SUSD1: variants seen among roughly 807,000 people sequenced by gnomAD.
SUSD1 encodes sushi domain containing 1.
SUSD1 carries 65 observed loss-of-function variants against 86.9 expected under a neutral mutation model. That is an observed-to-expected ratio of 0.75 (90% CI 0.61 to 0.92). The LOEUF is 0.92. Among genes scored for constraint, SUSD1 ranks in the 40% least tolerant of loss-of-function variants. The pLI is 0.00. For synonymous variants in SUSD1, 346 were observed against 350.0 expected, an observed-to-expected ratio of 0.99 and a Z score of 0.13; for missense variants, 850 against 929.7, an observed-to-expected ratio of 0.91 and a Z score of 1.11.
chr9:112,062,611 C>G (rs368631527), intron 13 of SUSD1, among the ~76,000 whole-genome samples: 6 of 152,276 alleles, frequency 3.9e-5, no homozygotes, highest in African/African-American at 1.4e-4. Flanking sequence ...AGGAGAATCA[C>G]TTGCACCCAG....
chr9:112,162,706 G>A lies in SUSD1; in HGVS notation c.104-5093C>T, dbSNP rs942394455. ...GTGGCTATGCAGTTTGAGTCACAAA[G>A]TATACAGCTGTAACTTCTGCCTCTT... On this transcript the variant is annotated intron_variant, in intron 1 of 16. Transcript: ENST00000374270. Among the ~76,000 whole-genome samples the A allele has an allele frequency of 2.0e-5, 3 of 152,188 alleles. No individual in the cohort carries two copies. In the East Asian group the frequency reaches 5.8e-4, roughly 29 times the overall value.
intron 5 of SUSD1, among the ~76,000 whole-genome samples, chr9:112,127,671 C>T (rs181038359): frequency 2.1e-3 from 322 of 152,236 alleles, no homozygotes; most frequent in Middle Eastern, 6.8e-3. Context: ...TTTCTGCCCT[C>T]ATGGAGCTTA....
chr9:112,133,004 G>A (rs535470063), intron 5 of SUSD1, among the ~76,000 whole-genome samples: 17 of 152,296 alleles, frequency 1.1e-4, no homozygotes, highest in Non-Finnish European at 1.8e-4. Flanking sequence ...AAGGCTGGGC[G>A]CAGTAGCTCA....
At chr9:112,084,644 G>A (rs1829901758) in intron 10 of SUSD1, among the ~76,000 whole-genome samples, 3 of 152,096 alleles carry the variant, frequency 2.0e-5, no homozygotes, top group Non-Finnish European at 4.4e-5. Flanking sequence ...AACCCATGAT[G>A]CATTCAATGA....
intron 5 of SUSD1, among the ~76,000 whole-genome samples, chr9:112,142,086 GA>G (rs1173143457): frequency 2.0e-5 from 3 of 151,350 alleles, no homozygotes; most frequent in Non-Finnish European, 4.4e-5. Context: ...TCAATCAAGA[GA>G]AAAACATAAC....
intron 12 of SUSD1, among the ~76,000 whole-genome samples, chr9:112,067,793 T>C (rs929304033): frequency 6.6e-6 from 1 of 151,980 alleles, no homozygotes; most frequent in African/African-American, 2.4e-5. Flanking sequence ...TAAAAACATA[T>C]GTATGAATGC....
chr9:112,063,098 G>T, intron 12 of SUSD1, 65 bp from the exon 13 acceptor site: 1 of 1,032,576 alleles, frequency 9.7e-7, no homozygotes. Context: ...GGACAAAAGA[G>T]GTCCTCGTGA....
chr9:112,094,900 A>G (rs1174658829), intron 10 of SUSD1, among the ~76,000 whole-genome samples: 4 of 152,358 alleles, frequency 2.6e-5, no homozygotes, highest in Non-Finnish European at 5.9e-5. Context: ...TTCTTCAAGC[A>G]TCACTAAGTG....
intron 10 of SUSD1, among the ~76,000 whole-genome samples, chr9:112,095,299 G>A (rs1830350269): frequency 6.6e-6 from 1 of 152,150 alleles, no homozygotes; most frequent in Non-Finnish European, 1.5e-5. Context: ...CAATAAAGAC[G>A]GAACAGAAAC....
intron 5 of SUSD1, among the ~76,000 whole-genome samples, chr9:112,128,313 T>G (rs1037037772): frequency 2.6e-5 from 4 of 152,058 alleles, no homozygotes; most frequent in Non-Finnish European, 5.9e-5. Context: ...AGGCTGATCT[T>G]GAACTCCTGA....
intron 5 of SUSD1, among the ~76,000 whole-genome samples, chr9:112,134,981 G>A (rs1306985853): frequency 5.3e-5 from 8 of 151,732 alleles, no homozygotes; most frequent in Admixed American, 2.6e-4. Flanking sequence ...CAGGAGAATC[G>A]CTTGAACCCA....
At chr9:112,170,108 G>A (rs1833977575) in intron 1 of SUSD1, among the ~76,000 whole-genome samples, 1 of 152,214 alleles carries the variant, frequency 6.6e-6, no homozygotes, top group African/African-American at 2.4e-5. Flanking sequence ...AGAAGACCAA[G>A]AATACACCCA....
chr9:112,072,251 G>A (rs1396431529), intron 12 of SUSD1, among the ~76,000 whole-genome samples: 2 of 149,746 alleles, frequency 1.3e-5, no homozygotes, highest in Non-Finnish European at 3.0e-5. Flanking sequence ...CCGGGTTCAG[G>A]AGATTCTCCT....
intron 5 of SUSD1, among the ~76,000 whole-genome samples, chr9:112,136,807 C>T (rs1018492265): frequency 4.6e-5 from 7 of 152,208 alleles, no homozygotes; most frequent in Non-Finnish European, 1.0e-4. Flanking sequence ...TTTTCAAACT[C>T]TTTCCACTTT....
intron 1 of SUSD1, among the ~76,000 whole-genome samples, chr9:112,165,931 A>AAAGGAAGGAAGGAAGG (rs1833787317): frequency 8.6e-6 from 1 of 115,986 alleles, no homozygotes; most frequent in African/African-American, 3.4e-5. Flanking sequence ...GAAAAGAAAG[A>AAAGGAAGGAAGGAAGG]AAGAAAGAAA....
At chr9:112,118,814 A>C (rs1465908027) in intron 6 of SUSD1, among the ~76,000 whole-genome samples, 1 of 152,198 alleles carries the variant, frequency 6.6e-6, no homozygotes, top group African/African-American at 2.4e-5. Context: ...TTCGTTATGT[A>C]TCAGTTTTTG....
intron 6 of SUSD1, among the ~76,000 whole-genome samples, chr9:112,118,133 C>T (rs1396248674): frequency 6.6e-6 from 1 of 152,018 alleles, no homozygotes; most frequent in East Asian, 1.9e-4. Context: ...TCCAGGTGAC[C>T]CAAACAGATG....
intron 10 of SUSD1, among the ~76,000 whole-genome samples, chr9:112,085,651 A>G (rs73532501): frequency 0.056 from 8,496 of 152,272 alleles, 813 homozygotes; most frequent in African/African-American, 0.19. Flanking sequence ...GGGAAGTGGA[A>G]ATCATGGAAG....
chr9:112,170,708 T>TAGAGAGAGAGAGAGAGAG (rs374990062), intron 1 of SUSD1, among the ~76,000 whole-genome samples: 1 of 95,448 alleles, frequency 1.0e-5, no homozygotes. Flanking sequence ...TATATATATA[T>TAGAGAGAGAGAGAGAGAG]ATAGAGAGAG....
Sources: gnomAD v4.1 joint callset for allele counts (sites outside exome capture counted in the v4.1 genomes callset) on GRCh38, gnomAD v4.1.1 for gene constraint, MANE v1.5 for transcripts, NCBI Gene and HGNC (gene_info 2026-07-23, HGNC 2026-07-21) for gene names.